The following EDIL3 variants were observed in gnomAD, a reference collection of about 807,000 sequenced individuals.
EDIL3 encodes EGF-like repeat and discoidin I-like domain-containing protein 3.
In EDIL3, 37 loss-of-function variants were observed where a neutral mutation model predicts 67.4. That is an observed-to-expected ratio of 0.55 (90% CI 0.42 to 0.72). The LOEUF (loss-of-function observed/expected upper bound fraction) is 0.72, where lower values mean the gene tolerates loss of function less well. EDIL3 is among the 30% of genes least tolerant of loss of function. The pLI, the probability that EDIL3 is intolerant of heterozygous loss-of-function variation, is 0.00. For synonymous variants in EDIL3, 195 were observed against 196.3 expected (o/e 0.99, Z 0.05); for missense variants, 527 against 586.3 (o/e 0.90, Z 1.04).
In EDIL3 at chr5:84,169,891, A is replaced by C. The variant is rs531092558; in HGVS notation, c.355+10502T>G. On this transcript the variant is annotated intron_variant, in intron 4 of 10. Transcript: ENST00000296591. ...TTGTGTGAACTTTAACTTTTTACTTATCTGGGATAAATGCCCAAGAGTGTA... is the reference window on the plus strand; with the variant it reads ...TTGTGTGAACTTTAACTTTTTACTTCTCTGGGATAAATGCCCAAGAGTGTA... 3.9e-5 allele frequency among the ~76,000 whole-genome samples: 6 copies of C among 152,214 alleles called. No individual in the cohort carries two copies. The South Asian group carries it at 6.2e-4, about 16-fold the overall frequency.
chr5:84,313,497 A>T (rs534974708), intron 1 of EDIL3, among the ~76,000 whole-genome samples: 1 of 152,360 alleles, frequency 6.6e-6, no homozygotes, highest in African/African-American at 2.4e-5. Context: ...AGAATCCTGT[A>T]GCTACCATGT....
intron 1 of EDIL3, among the ~76,000 whole-genome samples, chr5:84,309,379 A>G (rs1043402365): frequency 7.0e-6 from 1 of 142,330 alleles, no homozygotes; most frequent in African/African-American, 2.6e-5. Context: ...TTTAGGGTAC[A>G]TGTGCACAAT....
chr5:84,120,909 C>T (rs1008992972), intron 5 of EDIL3, among the ~76,000 whole-genome samples: 2 of 151,850 alleles, frequency 1.3e-5, no homozygotes, highest in Admixed American at 1.3e-4. Context: ...TACTAAACAC[C>T]TGTGTTCCTA....
At chr5:84,276,623 T>C (rs1010382565) in intron 1 of EDIL3, among the ~76,000 whole-genome samples, 1 of 152,014 alleles carries the variant, frequency 6.6e-6, no homozygotes, top group Admixed American at 6.6e-5. Context: ...AGCTGGAGTG[T>C]AGTGGCGTGA....
intron 6 of EDIL3, among the ~76,000 whole-genome samples, chr5:84,088,990 G>GT (rs2112265879): frequency 6.6e-6 from 1 of 152,302 alleles, no homozygotes; most frequent in South Asian, 2.1e-4. Flanking sequence ...AAAGTTCAGT[G>GT]TATCTCTTCT....
At chr5:84,180,191 A>G (rs1423362679) in intron 4 of EDIL3, among the ~76,000 whole-genome samples, 1 of 152,142 alleles carries the variant, frequency 6.6e-6, no homozygotes, top group Non-Finnish European at 1.5e-5. Context: ...CAAACTTCCC[A>G]TGCCACTGGG....
chr5:84,274,133 G>T (rs1408300045), intron 1 of EDIL3, among the ~76,000 whole-genome samples: 1 of 152,050 alleles, frequency 6.6e-6, no homozygotes, highest in East Asian at 1.9e-4. Context: ...TAGAGACAGC[G>T]TCTTGCTCTG....
intron 10 of EDIL3, among the ~76,000 whole-genome samples, chr5:83,956,366 T>G (rs1029830561): frequency 5.3e-5 from 8 of 151,844 alleles, no homozygotes; most frequent in Admixed American, 2.0e-4. Context: ...GCATCCATTT[T>G]TTTCTGTCTT....
rs563180946 is a variant in EDIL3, at chr5:84,227,570, T to C, written c.226+2285A>G. On this transcript the variant is annotated intron_variant, in intron 3 of 10. Coordinates refer to ENST00000296591, the MANE Select transcript of EDIL3 (RefSeq NM_005711.5). ...GCTACTGTAAGATCCAGCAATCCCA[T>C]TACTGGGTATGTACTCAAAGGAAGA... 3.3e-5 allele frequency among the ~76,000 whole-genome samples: 5 copies of C among 152,208 alleles called. No individual in the cohort carries two copies. In the South Asian group the frequency reaches 8.3e-4, roughly 25 times the overall value.
intron 4 of EDIL3, among the ~76,000 whole-genome samples, chr5:84,141,379 G>C: frequency 6.7e-6 from 1 of 149,506 alleles, no homozygotes; most frequent in Non-Finnish European, 1.5e-5. Context: ...AGTGATGAGA[G>C]CTGCACATGA....
chr5:83,966,005 A>G (rs1262919726), intron 9 of EDIL3, among the ~76,000 whole-genome samples: 1 of 152,106 alleles, frequency 6.6e-6, no homozygotes, highest in African/African-American at 2.4e-5. Flanking sequence ...CTCAGACCAC[A>G]TAACTCCAGA....
chr5:84,022,012 A>G (rs1745726148), intron 9 of EDIL3, among the ~76,000 whole-genome samples: 1 of 151,964 alleles, frequency 6.6e-6, no homozygotes, highest in African/African-American at 2.4e-5. Flanking sequence ...AGTTATTCCA[A>G]ATAATTGAAG....
chr5:84,037,574 T>A (rs958490254), intron 9 of EDIL3, among the ~76,000 whole-genome samples: 65 of 152,332 alleles, frequency 4.3e-4, no homozygotes, highest in African/African-American at 1.5e-3. Flanking sequence ...GATTTCAGTA[T>A]ATTTTTTAAA....
chr5:84,266,712 A>T (rs1321605974), intron 1 of EDIL3, among the ~76,000 whole-genome samples: 1 of 152,130 alleles, frequency 6.6e-6, no homozygotes, highest in Non-Finnish European at 1.5e-5. Context: ...CTCTCTCTAC[A>T]TTCCTATTAC....
intron 9 of EDIL3, among the ~76,000 whole-genome samples, chr5:84,035,823 G>T (rs1435212073): frequency 6.6e-6 from 1 of 152,092 alleles, no homozygotes; most frequent in African/African-American, 2.4e-5. Context: ...TGAATTCTCA[G>T]ACCAGATCTC....
chr5:84,082,727 A>G (rs1746992322), intron 6 of EDIL3, among the ~76,000 whole-genome samples: 1 of 152,198 alleles, frequency 6.6e-6, no homozygotes, highest in African/African-American at 2.4e-5. Flanking sequence ...GGGCTTTTAT[A>G]TTATGGTTTT....
intron 9 of EDIL3, among the ~76,000 whole-genome samples, chr5:84,059,169 G>A (rs1746499043): frequency 2.0e-5 from 3 of 152,124 alleles, no homozygotes; most frequent in Admixed American, 2.0e-4. Flanking sequence ...GGGAGGCTGA[G>A]GCAGGAGGAT....
At chr5:84,163,633 T>C (rs1334916312) in intron 4 of EDIL3, among the ~76,000 whole-genome samples, 1 of 152,116 alleles carries the variant, frequency 6.6e-6, no homozygotes, top group East Asian at 1.9e-4. Flanking sequence ...AAATCAGCCA[T>C]GCTAGGTCAA....
At chr5:84,222,864 A>G (rs143362668) in intron 3 of EDIL3, among the ~76,000 whole-genome samples, 16 of 151,848 alleles carry the variant, frequency 1.1e-4, no homozygotes, top group Non-Finnish European at 2.2e-4. Context: ...AGTTACCTAT[A>G]TATTTCGGAT....
Sources: allele counts gnomAD v4.1 joint callset (sites outside exome capture counted in the v4.1 genomes callset), GRCh38; gene constraint gnomAD v4.1.1; transcripts MANE v1.5; gene names NCBI Gene and HGNC (gene_info 2026-07-23, HGNC 2026-07-21).